CAMTA1: variants seen among roughly 807,000 people sequenced by gnomAD.
The protein encoded by CAMTA1 is calmodulin binding transcription activator 1.
In CAMTA1, 27 loss-of-function variants were observed where a neutral mutation model predicts 170.9. The observed-to-expected ratio is 0.16, with a 90% confidence interval of 0.12 to 0.22. The LOEUF (loss-of-function observed/expected upper bound fraction) is 0.22. CAMTA1 is among the 10% of genes least tolerant of loss of function. The pLI is 1.00. For missense variants in CAMTA1, 1,619 were observed against 2,217.2 expected (o/e 0.73, Z 5.42); for synonymous variants, 833 against 891.5 (o/e 0.93, Z 1.17).
At chr1:6,959,589 A>G (rs1441607693) in intron 3 of CAMTA1, among the ~76,000 whole-genome samples, 1 of 152,220 alleles carries the variant, frequency 6.6e-6, no homozygotes, top group Non-Finnish European at 1.5e-5. Flanking sequence ...GATGAGGCAT[A>G]AAGTCAGGTG....
At chr1:7,353,676 A>T (rs572122812) in intron 5 of CAMTA1, among the ~76,000 whole-genome samples, 88 of 152,244 alleles carry the variant, frequency 5.8e-4, no homozygotes, top group African/African-American at 2.0e-3. Flanking sequence ...CACCTGCCCC[A>T]GCCTGCTAAA....
intron 11 of CAMTA1, among the ~76,000 whole-genome samples, chr1:7,722,216 G>C (rs546755291): frequency 5.3e-5 from 8 of 152,322 alleles, no homozygotes; most frequent in African/African-American, 1.4e-4. Context: ...GTGGGTGTCT[G>C]ATTTCATGAA....
At chr1:7,743,016 T>C (rs1466557907) in intron 16 of CAMTA1, among the ~76,000 whole-genome samples, 3 of 152,086 alleles carry the variant, frequency 2.0e-5, no homozygotes, top group Non-Finnish European at 4.4e-5. Flanking sequence ...ATCTGGCTAA[T>C]TTTGGGGGTT....
At chr1:7,691,983 G>GGGAGGAAGGGAAGGAA (rs1363837776) in intron 11 of CAMTA1, among the ~76,000 whole-genome samples, 1 of 36,500 alleles carries the variant, frequency 2.7e-5, no homozygotes, top group African/African-American at 8.9e-5. Flanking sequence ...GAAGGAAGGA[G>GGGAGGAAGGGAAGGAA]GGAGGGAGGG....
At chr1:7,088,608 C>T (rs1023037183) in intron 3 of CAMTA1, among the ~76,000 whole-genome samples, 3 of 152,202 alleles carry the variant, frequency 2.0e-5, no homozygotes, top group Admixed American at 1.3e-4. Flanking sequence ...CCCTGTCAGG[C>T]TGGGGTGAGC....
chr1:7,346,594 T>G (rs1036011515), intron 5 of CAMTA1, among the ~76,000 whole-genome samples: 2 of 152,222 alleles, frequency 1.3e-5, no homozygotes, highest in Non-Finnish European at 2.9e-5. Flanking sequence ...AGTCCTGTTT[T>G]GAAAATCAAA....
chr1:7,281,272 A>G (rs1460185265), intron 5 of CAMTA1, among the ~76,000 whole-genome samples: 1 of 152,212 alleles, frequency 6.6e-6, no homozygotes, highest in Admixed American at 6.5e-5. Context: ...ATCTCTTTGA[A>G]ATGTGGCCTT....
Position 6,970,972 on chromosome 1 carries a change from A to G in CAMTA1, c.235-120332A>G, listed in dbSNP as rs561715052. On this transcript the variant is annotated intron_variant, in intron 3 of 22. Transcript: ENST00000303635. This position sits in a 1 kb window ranked among gnomAD's most constrained non-coding sequence, Gnocchi z 4.4. The stretch of plus-strand genomic sequence containing the variant: ...AGGCCGGCCCTGTCAGCCTGGCTCC[A>G]AACTTCACTCCCTGGCCTTTGGAGG... Among the ~76,000 whole-genome samples the G allele has an allele frequency of 1.3e-5, 2 of 152,218 alleles. No individual in the cohort carries two copies. The highest frequency in any genetic ancestry group is 4.2e-4 in the South Asian group (2 of 4,816).
rs5772268 is a variant in CAMTA1, at chr1:7,173,697, A to AT, written c.303-75783dup. ...GCCACCGTGCCCAGCCCAGAGCTTA[A>AT]TTTTTTTTTTTAATTATTTCTTTCT... On this transcript the variant is annotated intron_variant, in intron 4 of 22. Coordinates refer to ENST00000303635, the MANE Select transcript of CAMTA1 (RefSeq NM_015215.4). The surrounding 1 kb of genome is among the most constrained non-coding windows in gnomAD (Gnocchi z 5.4). Among the ~76,000 whole-genome samples, 47,928 of 149,170 alleles carry AT rather than the reference A, an allele frequency of 0.32. 7,737 individuals are homozygous for AT. The highest frequency in any genetic ancestry group is 0.34 in the Non-Finnish European group (22,939 of 67,186).
In CAMTA1 at chr1:7,270,242, C is replaced by CATAT. The variant is rs1558335898; in HGVS notation, c.438+20619_438+20620insTATA. On this transcript the variant is annotated intron_variant, in intron 5 of 22. Coordinates refer to ENST00000303635, the MANE Select transcript of CAMTA1 (RefSeq NM_015215.4). The stretch of plus-strand genomic sequence containing the variant: ...ATATACATATATATACACATATATA[C>CATAT]ATACACACACACACACACACACACA... Among the ~76,000 whole-genome samples the CATAT allele has an allele frequency of 2.1e-4, 8 of 39,010 alleles. No individual in the cohort carries two copies. The South Asian group carries it at 4.7e-3, about 23-fold the overall frequency. 25.6% of individuals were successfully genotyped at this position (39,010 alleles called of 152,430 possible).
chr1:7,480,602 AG>A (rs1454024792), intron 6 of CAMTA1, among the ~76,000 whole-genome samples: 1 of 152,016 alleles, frequency 6.6e-6, no homozygotes, highest in Non-Finnish European at 1.5e-5. Flanking sequence ...GCCTCCCAGC[AG>A]CACCTCTTCA....
chr1:7,384,229 A>T (rs1278964882), intron 5 of CAMTA1, among the ~76,000 whole-genome samples: 1 of 152,234 alleles, frequency 6.6e-6, no homozygotes, highest in Non-Finnish European at 1.5e-5. Context: ...CCTGCAGCAC[A>T]ATTTGTACTT....
At chr1:7,174,873 G>T (rs1196831771) in intron 4 of CAMTA1, among the ~76,000 whole-genome samples, 1 of 152,182 alleles carries the variant, frequency 6.6e-6, no homozygotes, top group Non-Finnish European at 1.5e-5. Flanking sequence ...GTCTGGGATG[G>T]TTTTTCCCTG....
intron 5 of CAMTA1, among the ~76,000 whole-genome samples, chr1:7,440,357 G>T (rs539804919): frequency 1.2e-4 from 18 of 152,386 alleles, no homozygotes; most frequent in Middle Eastern, 3.4e-3. Flanking sequence ...TGTCCCCAGG[G>T]CAGAGCTGGG....
chr1:7,095,368 C>T (rs977708043), intron 4 of CAMTA1, among the ~76,000 whole-genome samples: 3 of 152,166 alleles, frequency 2.0e-5, no homozygotes, highest in African/African-American at 4.8e-5. Context: ...TTCAGTTTTT[C>T]GGGTATTTCT....
rs1311801292 is a variant in CAMTA1 at position 7,680,396 on chromosome 1, G to C, written c.2914+2663G>C. The stretch of plus-strand genomic sequence containing the variant: ...GGCTGGGGAAGGGGTGGGCGCCAGG[G>C]GACTGCAGCGCGGAGCAAACTGGGG... On this transcript the variant is annotated intron_variant, in intron 11 of 22. Transcript: ENST00000303635. The surrounding 1 kb of genome is among the most constrained non-coding windows in gnomAD (Gnocchi z 4.4). Among the ~76,000 whole-genome samples, 1 of 152,146 alleles carries C rather than the reference G, an allele frequency of 6.6e-6. No homozygotes were observed. Among genetic ancestry groups the C allele is most frequent in the African/African-American group, 2.4e-5 (1 of 41,460 alleles).
chr1:7,249,486 T>C lies in CAMTA1; in HGVS notation c.303-5T>C, dbSNP rs754059350. ...CTTGGTAACTTAACCATTTGTTGTT[T>C]CCAGACCACAGAATGGCTCAATGAT... On this transcript the variant is annotated splice_region_variant and splice_polypyrimidine_tract_variant and intron_variant, in intron 4 of 22. Coordinates refer to ENST00000303635, the MANE Select transcript of CAMTA1 (RefSeq NM_015215.4). The surrounding 1 kb of genome is among the most constrained non-coding windows in gnomAD (Gnocchi z 4.4). The C allele has an allele frequency of 6.2e-7, 1 of 1,611,422 alleles. No individual in the cohort carries two copies. Among genetic ancestry groups the C allele is most frequent in the Admixed American group, 1.7e-5 (1 of 59,746 alleles).
At chr1:7,472,910 C>T (rs2093358168) in intron 6 of CAMTA1, among the ~76,000 whole-genome samples, 2 of 152,158 alleles carry the variant, frequency 1.3e-5, no homozygotes, top group African/African-American at 4.8e-5. Context: ...CGGTCCTGGC[C>T]CCAAAGGGCC....
At chr1:7,408,635 G>A (rs370584673) in intron 5 of CAMTA1, among the ~76,000 whole-genome samples, 4 of 152,312 alleles carry the variant, frequency 2.6e-5, no homozygotes, top group Non-Finnish European at 1.5e-5. Flanking sequence ...CTCGATTTTG[G>A]TGATGGTGCC....
Sources: allele counts gnomAD v4.1 joint callset (sites outside exome capture counted in the v4.1 genomes callset), GRCh38; gene constraint gnomAD v4.1.1; non-coding constraint Gnocchi (gnomAD v3.1); transcripts MANE v1.5; gene names NCBI Gene and HGNC (gene_info 2026-07-23, HGNC 2026-07-21).